The following EYA1 variants were observed in gnomAD, a reference collection of about 807,000 sequenced individuals.
EYA1 encodes the protein protein phosphatase EYA1.
Under a neutral mutation model 82.0 loss-of-function variants are expected in EYA1, and 16 were observed. The ratio of observed to expected loss-of-function variants is 0.20; its 90% CI spans 0.13 to 0.30. The LOEUF is 0.30. EYA1 is among the 10% of genes least tolerant of loss of function. EYA1 has a pLI of 1.00. For synonymous variants in EYA1, 261 were observed against 264.4 expected (o/e 0.99, Z 0.12); for missense variants, 633 against 730.7 (o/e 0.87, Z 1.54).
At chr8:71,531,373 A>C (rs767386722) in intron 2 of EYA1, 1 of 152,358 alleles carries the variant, frequency 6.6e-6, no homozygotes, top group Non-Finnish European at 1.5e-5. Context: ...AGTAAAAGAT[A>C]AAACCAGGTC....
chr8:71,459,845 C>T lies in EYA1; in HGVS notation c.33+75899G>A, dbSNP rs141755447. On this transcript the variant is annotated intron_variant, in intron 2 of 18. Transcript: ENST00000643681. ...AAAGATAACTGTCAATTTGCATACC[C>T]ACTATCTGTTCTTTTTTAGTAAATA... is the stretch of plus-strand genomic sequence containing the variant. Among the ~76,000 whole-genome samples, 10 of 152,114 alleles carry T rather than the reference C, an allele frequency of 6.6e-5. No homozygotes were observed. The East Asian group carries it at 1.7e-3, about 26-fold the overall frequency.
At chr8:71,501,144 A>G (rs1420010021) in intron 2 of EYA1, among the ~76,000 whole-genome samples, 1 of 152,254 alleles carries the variant, frequency 6.6e-6, no homozygotes, top group African/African-American at 2.4e-5. Flanking sequence ...AAGTCACTTG[A>G]TATGACTTTA....
At chr8:71,356,383 TA>T in intron 2 of EYA1, 78 bp downstream of exon 2, 1 of 1,239,634 alleles carries the variant, frequency 8.1e-7, no homozygotes, top group Non-Finnish European at 1.1e-6. Context: ...TAGAAATAAT[TA>T]AGAAACACTA....
chr8:71,462,926 ATC>A (rs1491033765), intron 2 of EYA1, among the ~76,000 whole-genome samples: 1 of 152,158 alleles, frequency 6.6e-6, no homozygotes, highest in African/African-American at 2.4e-5. Context: ...TGCTGTGGAT[ATC>A]CCCGCCACTG....
At chr8:71,327,735 C>G (rs1440197422) in intron 4 of EYA1, among the ~76,000 whole-genome samples, 1 of 152,044 alleles carries the variant, frequency 6.6e-6, no homozygotes, top group African/African-American at 2.4e-5. Flanking sequence ...TGCTAGGGCT[C>G]CTTGAAAGAC....
chr8:71,390,401 TA>T (rs1415432531), intron 2 of EYA1, among the ~76,000 whole-genome samples: 1 of 152,010 alleles, frequency 6.6e-6, no homozygotes, highest in Non-Finnish European at 1.5e-5. Flanking sequence ...TAACTGTGAC[TA>T]CAGGTATGTA....
intron 2 of EYA1, among the ~76,000 whole-genome samples, chr8:71,525,750 C>T (rs1422665761): frequency 1.3e-5 from 2 of 152,166 alleles, no homozygotes; most frequent in African/African-American, 4.8e-5. Flanking sequence ...AAAAAAACCT[C>T]TGAGCTTGAT....
chr8:71,259,538 A>G (rs1351783998), intron 11 of EYA1, among the ~76,000 whole-genome samples: 1 of 152,224 alleles, frequency 6.6e-6, no homozygotes, highest in African/African-American at 2.4e-5. Flanking sequence ...AATGATCAGA[A>G]AGAGGCAAGA....
intron 11 of EYA1, among the ~76,000 whole-genome samples, chr8:71,256,279 AAC>A (rs1248625510): frequency 1.3e-5 from 2 of 152,228 alleles, no homozygotes; most frequent in Non-Finnish European, 2.9e-5. Context: ...CATTATTTAA[AAC>A]AGTCATAGGT....
At chr8:71,406,507 G>C (rs113497467) in intron 2 of EYA1, among the ~76,000 whole-genome samples, 3 of 152,254 alleles carry the variant, frequency 2.0e-5, no homozygotes, top group African/African-American at 7.2e-5. Context: ...GCGCAGGCCA[G>C]TGGGTGTGTG....
At chr8:71,410,066 G>T (rs1016980186) in intron 2 of EYA1, among the ~76,000 whole-genome samples, 1 of 152,114 alleles carries the variant, frequency 6.6e-6, no homozygotes, top group Non-Finnish European at 1.5e-5. Flanking sequence ...ATATAAGGCT[G>T]GTTCAATATA....
At chr8:71,443,215 G>A (rs1806563717) in intron 2 of EYA1, among the ~76,000 whole-genome samples, 1 of 152,160 alleles carries the variant, frequency 6.6e-6, no homozygotes, top group Admixed American at 6.5e-5. Flanking sequence ...GGGATGATTG[G>A]TCAACAGTTC....
chr8:71,525,409 T>C (rs1041583813), intron 2 of EYA1, among the ~76,000 whole-genome samples: 4 of 152,200 alleles, frequency 2.6e-5, no homozygotes, highest in Non-Finnish European at 5.9e-5. Context: ...CTTTGAAATA[T>C]AAACATTAAT....
At chr8:71,475,788 G>A (rs13253765) in intron 2 of EYA1, among the ~76,000 whole-genome samples, 34,003 of 151,942 alleles carry the variant, frequency 0.22, 4,316 homozygotes, top group African/African-American at 0.34. Context: ...TATAATTTTC[G>A]TTTGTTTATT....
Position 71,266,669 on chromosome 8 carries a change from A to G in EYA1, c.1050+3071T>C, listed in dbSNP as rs143900557. On this transcript the variant is annotated intron_variant, in intron 11 of 17. Transcript: ENST00000340726. ...GAGACTCCAAGGAGCCTCTAACCCT[A>G]ATCTGTGCAATGTTGACTGTGAATC... is the stretch of plus-strand genomic sequence containing the variant. 1.5e-4 allele frequency among the ~76,000 whole-genome samples: 23 copies of G among 151,838 alleles called. No homozygotes were observed. In the Middle Eastern group the frequency reaches 0.014, roughly 90 times the overall value.
chr8:71,389,551 G>A (rs1215038451), intron 2 of EYA1, among the ~76,000 whole-genome samples: 1 of 152,084 alleles, frequency 6.6e-6, no homozygotes, highest in East Asian at 1.9e-4. Flanking sequence ...GTCAAAAAGG[G>A]TCAATTTAGA....
At chr8:71,446,366 C>T (rs559635844) in intron 2 of EYA1, among the ~76,000 whole-genome samples, 9 of 152,192 alleles carry the variant, frequency 5.9e-5, no homozygotes, top group East Asian at 1.9e-4. Context: ...CGCCTTCACA[C>T]GCTCACTATC....
At chr8:71,270,830 A>T (rs1032325583) in intron 10 of EYA1, among the ~76,000 whole-genome samples, 1 of 152,184 alleles carries the variant, frequency 6.6e-6, no homozygotes, top group Non-Finnish European at 1.5e-5. Context: ...ATTTCAAAGT[A>T]GATTTTATGG....
At chr8:71,288,644 T>G (rs905982541) in intron 9 of EYA1, among the ~76,000 whole-genome samples, 1 of 152,260 alleles carries the variant, frequency 6.6e-6, no homozygotes, top group South Asian at 2.1e-4. Context: ...TTTACAAATA[T>G]GCTACGTTCT....
Sources: allele counts gnomAD v4.1 joint callset (sites outside exome capture counted in the v4.1 genomes callset), GRCh38; gene constraint gnomAD v4.1.1; transcripts MANE v1.5; gene names NCBI Gene and HGNC (gene_info 2026-07-23, HGNC 2026-07-21).